The following YIPF3 variants were observed in gnomAD, a reference collection of about 807,000 sequenced individuals.
YIPF3 encodes Yip1 domain family member 3, also known as protein YIPF3.
Under a neutral mutation model 40.3 loss-of-function variants are expected in YIPF3, and 18 were observed. The observed-to-expected ratio is 0.45, with a 90% CI of 0.31 to 0.66. YIPF3 has a LOEUF of 0.66. YIPF3 is among the 30% of genes least tolerant of loss of function. YIPF3 has a pLI of 0.07. For missense variants in YIPF3, 406 were observed against 452.2 expected (o/e 0.90, Z 0.93); for synonymous variants, 190 against 179.6 (o/e 1.06, Z -0.46).
At chr6:43,516,167 G>T (rs960258647) in intron 1 of YIPF3, 72 bp from the exon 2 acceptor site, 25 of 1,587,374 alleles carry the variant, frequency 1.6e-5, no homozygotes, top group Non-Finnish European at 2.1e-5. Flanking sequence ...TCATCCCAGG[G>T]TTTAGGGCTT....
At chr6:43,513,539 C>T (rs1314756273) in intron 4 of YIPF3, 49 bp downstream of exon 4, 1 of 1,605,300 alleles carries the variant, frequency 6.2e-7, no homozygotes, top group Non-Finnish European at 8.5e-7. Flanking sequence ...GTCCCACCCT[C>T]TGCCCTGGTG....
At chr6:43,513,804 A>G in intron 3 of YIPF3, 171 bp from the exon 4 acceptor site, 1 of 567,354 alleles carries the variant, frequency 1.8e-6, no homozygotes, top group Non-Finnish European at 2.9e-6. Context: ...GAATGAGGAA[A>G]TCATTTCCTT....
At chr6:43,512,361 C>T in intron 8 of YIPF3, 46 bp from the exon 9 acceptor site, 1 of 1,613,566 alleles carries the variant, frequency 6.2e-7, no homozygotes, top group Non-Finnish European at 8.5e-7. Flanking sequence ...GGGCCCAGCC[C>T]ACCAGCCATC....
rs1792857612 is a variant in YIPF3 at position 43,516,920 on chromosome 6, G to A, written c.-113C>T. The A allele has an allele frequency of 2.3e-6, 3 of 1,315,810 alleles. No individual in the cohort carries two copies. The highest frequency in any genetic ancestry group is 2.5e-5 in the East Asian group (1 of 39,896). 81.5% of individuals were successfully genotyped at this position (1,315,810 alleles called of 1,614,324 possible). On this transcript the variant is annotated 5_prime_UTR_variant, in exon 1 of 9. Transcript: ENST00000372422. Reference sequence around the variant, plus strand: ...GGGTCGAGGAGAGGTGGGATCGGCCGGAACACAAAAAGGAGAAGCCCGGAT... The same window carrying A: ...GGGTCGAGGAGAGGTGGGATCGGCCAGAACACAAAAAGGAGAAGCCCGGAT...
intron 3 of YIPF3, 115 bp from the exon 4 acceptor site, chr6:43,513,748 G>T: frequency 9.7e-7 from 1 of 1,026,308 alleles, no homozygotes; most frequent in Non-Finnish European, 1.4e-6. Context: ...TGGCCTAGAA[G>T]ACATGTTGGA....
intron 3 of YIPF3, 98 bp from the exon 4 acceptor site, chr6:43,513,731 T>G: frequency 8.0e-7 from 1 of 1,244,164 alleles, no homozygotes; most frequent in Admixed American, 2.5e-5. Context: ...CTCCAGGGAA[T>G]GGGGCCTGGC....
intron 2 of YIPF3, 73 bp from the exon 3 acceptor site, chr6:43,515,774 A>C (rs1792801656): frequency 6.2e-7 from 1 of 1,606,336 alleles, no homozygotes; most frequent in Non-Finnish European, 8.5e-7. Context: ...TTTCCGTTTG[A>C]TTTCTACATG....
Position 43,511,957 on chromosome 6 carries a change from TG to T in YIPF3, c.*209del. On this transcript the variant is annotated 3_prime_UTR_variant, in exon 9 of 9. Coordinates refer to ENST00000372422, the MANE Select transcript of YIPF3 (RefSeq NM_015388.4). ...AAAGGAGCTGACCCATTTTCTGCAT[TG>T]GCTGCAGAGCCTTGCAGTCCTGGCC... 1 of 694,868 alleles carries T rather than the reference TG, an allele frequency of 1.4e-6. No homozygotes were observed. The highest frequency in any genetic ancestry group is 2.3e-6 in the Non-Finnish European group (1 of 440,004). The allele number at this position is 694,868 out of a possible 1,614,324, so 43.0% of individuals were successfully genotyped here.
chr6:43,516,397 A>C (rs2127685486), intron 1 of YIPF3: 1 of 648,956 alleles, frequency 1.5e-6, no homozygotes, highest in East Asian at 2.9e-5. Flanking sequence ...CCCAAACAAA[A>C]CTATACACAT....
chr6:43,516,356 G>A, intron 1 of YIPF3: 2 of 784,960 alleles, frequency 2.5e-6, no homozygotes, highest in Non-Finnish European at 3.9e-6. Context: ...CTAAAAGGCT[G>A]AAAAAGTGCC....
At chr6:43,513,476 G>A (rs1190075877) in intron 4 of YIPF3, 25 bp from the exon 5 acceptor site, 1 of 1,613,916 alleles carries the variant, frequency 6.2e-7, no homozygotes, top group Non-Finnish European at 8.5e-7. Flanking sequence ...ATTCATTCAG[G>A]CTGGAGGGTA....
chr6:43,515,733 G>C lies in YIPF3; in HGVS notation c.289-32C>G, dbSNP rs995765935. On this transcript the variant is annotated intron_variant, in intron 2 of 8. Coordinates refer to ENST00000372422, the MANE Select transcript of YIPF3 (RefSeq NM_015388.4). ...TAAGGAAGATGGGCATAGGTATTGT[G>C]GTACTGTTGGTTCTAGATCCTGTTG... 7 of 1,612,634 alleles carry C rather than the reference G, an allele frequency of 4.3e-6. No homozygotes were observed. In the East Asian group the frequency reaches 1.6e-4, roughly 36 times the overall value.
chr6:43,512,084 C>G lies in YIPF3; in HGVS notation c.*83G>C. On this transcript the variant is annotated 3_prime_UTR_variant, in exon 9 of 9. Transcript: ENST00000372422. ...GCAGCTGCAAACCCCATCTACGAAA[C>G]ATGTCATCAGGACTGTCCTTTAATA... The G allele has an allele frequency of 6.3e-7, 1 of 1,574,868 alleles. No individual in the cohort carries two copies. Among genetic ancestry groups the G allele is most frequent in the Non-Finnish European group, 8.6e-7 (1 of 1,157,882 alleles).
chr6:43,512,504 G>T lies in YIPF3; in HGVS notation c.840C>A (p.Thr280=). The T allele has an allele frequency of 1.2e-6, 2 of 1,613,646 alleles. No homozygotes were observed. The highest frequency in any genetic ancestry group is 1.7e-6 in the Non-Finnish European group (2 of 1,180,024). ...GGAAGAGCATGTGTAGGGCAGCCAG[G>T]GTGCCACAGAGGAGCAGCCGCTGTG... ...GPTQRLLLCG[T]LAALHMLFLL... is the part of the protein sequence containing the mutation. Residue 280 remains threonine (T), a synonymous_variant, in exon 8 of 9, where the codon ACC becomes ACA. Transcript: ENST00000372422.
intron 3 of YIPF3, chr6:43,515,110 T>G (rs1344986134): frequency 2.8e-6 from 1 of 354,534 alleles, no homozygotes; most frequent in Non-Finnish European, 5.5e-6. Context: ...GCCATTCTCC[T>G]GCCTCAGCCT....
chr6:43,513,748 G>C, intron 3 of YIPF3, 115 bp from the exon 4 acceptor site: 2 of 1,026,310 alleles, frequency 1.9e-6, no homozygotes, highest in South Asian at 3.5e-5. Context: ...TGGCCTAGAA[G>C]ACATGTTGGA....
chr6:43,512,079 C>T lies in YIPF3; in HGVS notation c.*88G>A, dbSNP rs111367115. The T allele has an allele frequency of 8.3e-6, 13 of 1,568,538 alleles. No individual in the cohort carries two copies. Among genetic ancestry groups the T allele is most frequent in the African/African-American group, 5.4e-5 (4 of 73,920 alleles). The stretch of plus-strand genomic sequence containing the variant: ...CAGTGGCAGCTGCAAACCCCATCTA[C>T]GAAACATGTCATCAGGACTGTCCTT... On this transcript the variant is annotated 3_prime_UTR_variant, in exon 9 of 9. Coordinates refer to ENST00000372422, the MANE Select transcript of YIPF3 (RefSeq NM_015388.4).
Position 43,516,850 on chromosome 6 carries a change from C to T in YIPF3, c.-43G>A. Reference sequence around the variant, plus strand: ...GTCGCTGAAACCCGCGCTAGCCCCGCGCGCGGAGTGGGCAAGATGTGGGCC... The same window carrying T: ...GTCGCTGAAACCCGCGCTAGCCCCGTGCGCGGAGTGGGCAAGATGTGGGCC... On this transcript the variant is annotated 5_prime_UTR_variant, in exon 1 of 9. Coordinates refer to ENST00000372422, the MANE Select transcript of YIPF3 (RefSeq NM_015388.4). 6.4e-7 allele frequency: 1 copy of T among 1,551,282 alleles called. No individual in the cohort carries two copies. Among genetic ancestry groups the T allele is most frequent in the Non-Finnish European group, 8.7e-7 (1 of 1,145,670 alleles).
intron 8 of YIPF3, 45 bp from the exon 9 acceptor site, chr6:43,512,360 C>T (rs758610921): frequency 8.1e-6 from 13 of 1,613,424 alleles, no homozygotes; most frequent in Non-Finnish European, 1.1e-5. Context: ...TGGGCCCAGC[C>T]CACCAGCCAT....
Sources: allele counts gnomAD v4.1 joint callset, GRCh38; gene constraint gnomAD v4.1.1; transcripts MANE v1.5; gene names NCBI Gene and HGNC (gene_info 2026-07-23, HGNC 2026-07-21).